SORCS3: variants seen among roughly 807,000 people sequenced by gnomAD.
The protein encoded by SORCS3 is sortilin related VPS10 domain containing receptor 3.
In SORCS3, 57 loss-of-function variants were observed where a neutral mutation model predicts 146.3. The observed-to-expected ratio is 0.39, with a 90% CI of 0.31 to 0.49. The LOEUF is 0.49. Among genes scored for constraint, SORCS3 ranks in the 20% least tolerant of loss-of-function variants. The pLI is 0.92. For synonymous variants in SORCS3, 653 were observed against 618.5 expected, an observed-to-expected ratio of 1.06 and a Z score of -0.83; for missense variants, 1,341 against 1,575.5, an observed-to-expected ratio of 0.85 and a Z score of 2.52.
At chr10:105,201,051 G>C (rs2056571518) in intron 15 of SORCS3, 69 bp from the exon 16 acceptor site, 1 of 1,560,866 alleles carries the variant, frequency 6.4e-7, no homozygotes, top group Admixed American at 1.9e-5. Flanking sequence ...AATGCTTCTT[G>C]TTGACAACTG....
intron 1 of SORCS3, among the ~76,000 whole-genome samples, chr10:104,708,572 A>T (rs2016374388): frequency 6.6e-6 from 1 of 152,224 alleles, no homozygotes; most frequent in African/African-American, 2.4e-5. Context: ...TGTTTGGTGC[A>T]TATAGCCAGC....
At chr10:104,983,044 T>C (rs1388997513) in intron 4 of SORCS3, among the ~76,000 whole-genome samples, 1 of 151,940 alleles carries the variant, frequency 6.6e-6, no homozygotes, top group Non-Finnish European at 1.5e-5. Context: ...CTGTTACCCA[T>C]GCTGGAGTAA....
intron 16 of SORCS3, among the ~76,000 whole-genome samples, chr10:105,209,936 G>A (rs904281614): frequency 6.6e-6 from 1 of 152,074 alleles, no homozygotes; most frequent in South Asian, 2.1e-4. Context: ...CATGTTTGGG[G>A]TATGCTGTAT....
chr10:104,781,367 T>C (rs1244438492), intron 1 of SORCS3, among the ~76,000 whole-genome samples: 1 of 152,240 alleles, frequency 6.6e-6, no homozygotes, highest in Admixed American at 6.5e-5. Flanking sequence ...TGTATTTGTA[T>C]GTGGTATGTG....
At chr10:104,832,512 G>A (rs2018012295) in intron 1 of SORCS3, among the ~76,000 whole-genome samples, 1 of 152,132 alleles carries the variant, frequency 6.6e-6, no homozygotes, top group Non-Finnish European at 1.5e-5. Flanking sequence ...GTGGTTAAGA[G>A]TTTGAGACCA....
chr10:104,835,157 G>A (rs921391051), intron 1 of SORCS3, among the ~76,000 whole-genome samples: 4 of 152,076 alleles, frequency 2.6e-5, no homozygotes, highest in Non-Finnish European at 5.9e-5. Context: ...GGTCAGTTGG[G>A]TTCTGGACTC....
chr10:105,188,031 A>G (rs1212575310), intron 14 of SORCS3, among the ~76,000 whole-genome samples: 3 of 152,026 alleles, frequency 2.0e-5, no homozygotes, highest in Admixed American at 6.6e-5. Context: ...GTAACTGAGT[A>G]AAAGAGAGAA....
intron 13 of SORCS3, among the ~76,000 whole-genome samples, chr10:105,173,297 C>A (rs143709182): frequency 6.6e-6 from 1 of 151,974 alleles, no homozygotes; most frequent in African/African-American, 2.4e-5. Flanking sequence ...GGCAACAGAG[C>A]GAGACTCTGT....
At chr10:104,987,592 C>T (rs531332328) in intron 4 of SORCS3, among the ~76,000 whole-genome samples, 4 of 152,112 alleles carry the variant, frequency 2.6e-5, no homozygotes, top group South Asian at 2.1e-4. Flanking sequence ...TTTTCTTCAG[C>T]GTTTTTTTCA....
intron 22 of SORCS3, among the ~76,000 whole-genome samples, chr10:105,250,626 C>G (rs2056893181): frequency 6.6e-6 from 1 of 152,184 alleles, no homozygotes; most frequent in Admixed American, 6.5e-5. Context: ...CAACCCTTCA[C>G]TGCATTGGGT....
At chr10:104,649,217 C>A (rs1564650827) in intron 1 of SORCS3, among the ~76,000 whole-genome samples, 1 of 151,934 alleles carries the variant, frequency 6.6e-6, no homozygotes. Flanking sequence ...TAAATAAGAT[C>A]AATGGATTTT....
chr10:105,007,588 G>A (rs2055104470), intron 4 of SORCS3, among the ~76,000 whole-genome samples: 1 of 151,956 alleles, frequency 6.6e-6, no homozygotes, highest in Non-Finnish European at 1.5e-5. Context: ...ACAGAAGCTG[G>A]GTTCAGATCC....
chr10:104,809,996 A>C (rs1379131046), intron 1 of SORCS3, among the ~76,000 whole-genome samples: 2 of 152,228 alleles, frequency 1.3e-5, no homozygotes, highest in African/African-American at 4.8e-5. Flanking sequence ...GCTTTGCATG[A>C]AATGTGTCAC....
At chr10:104,745,402 A>G (rs1267942998) in intron 1 of SORCS3, among the ~76,000 whole-genome samples, 1 of 152,222 alleles carries the variant, frequency 6.6e-6, no homozygotes, top group Non-Finnish European at 1.5e-5. Flanking sequence ...TGAAGAAACT[A>G]GCAAGTTATG....
intron 3 of SORCS3, among the ~76,000 whole-genome samples, chr10:104,957,270 C>T (rs960543298): frequency 1.2e-4 from 19 of 152,248 alleles, no homozygotes; most frequent in African/African-American, 4.3e-4. Flanking sequence ...CTATAAATTA[C>T]ACTTGACAAC....
In SORCS3 at chr10:104,732,631, C is replaced by T. The variant is rs149462707; in HGVS notation, c.627+90677C>T. Among the ~76,000 whole-genome samples, 91 of 152,246 alleles carry T rather than the reference C, an allele frequency of 6.0e-4. No homozygotes were observed. The East Asian group carries it at 0.015, about 25-fold the overall frequency. ...AATGGGATGAGCCTCTGCTCTTGCACGCGTGCATGCTGCTGCTGCTGTTTA... is the reference window on the plus strand; with the variant it reads ...AATGGGATGAGCCTCTGCTCTTGCATGCGTGCATGCTGCTGCTGCTGTTTA... On this transcript the variant is annotated intron_variant, in intron 1 of 26. Coordinates refer to ENST00000369701, the MANE Select transcript of SORCS3 (RefSeq NM_014978.3).
chr10:104,738,031 G>T (rs1174753657), intron 1 of SORCS3, among the ~76,000 whole-genome samples: 1 of 151,820 alleles, frequency 6.6e-6, no homozygotes, highest in East Asian at 1.9e-4. Context: ...ATTAAATAGG[G>T]AATCCTTTCC....
At chr10:105,009,540 A>C (rs11192274) in intron 4 of SORCS3, among the ~76,000 whole-genome samples, 6 of 140,730 alleles carry the variant, frequency 4.3e-5, no homozygotes, top group Admixed American at 7.0e-5. Context: ...AAAAAAAAAA[A>C]AAAAAAAAAA....
intron 5 of SORCS3, among the ~76,000 whole-genome samples, chr10:105,052,029 C>T (rs948194817): frequency 3.9e-5 from 6 of 152,034 alleles, no homozygotes; most frequent in African/African-American, 1.2e-4. Context: ...ATATGGTGCA[C>T]GTGGTAGTTA....
Sources: allele counts gnomAD v4.1 joint callset (sites outside exome capture counted in the v4.1 genomes callset), GRCh38; gene constraint gnomAD v4.1.1; transcripts MANE v1.5; gene names NCBI Gene and HGNC (gene_info 2026-07-23, HGNC 2026-07-21).